Variants in RAET1E observed in about 807,000 individuals in gnomAD.
RAET1E encodes retinoic acid early transcript 1E.
RAET1E carries 27 observed loss-of-function variants against 21.1 expected under a neutral mutation model. The ratio of observed to expected loss-of-function variants is 1.28; its 90% CI spans 0.94 to 1.76. The LOEUF is 1.76. RAET1E is among the 40% of genes most tolerant of loss of function. The pLI is 0.00. For missense variants in RAET1E, 310 were observed against 311.3 expected, an observed-to-expected ratio of 1.00 and a Z score of 0.03; for synonymous variants, 113 against 115.0, an observed-to-expected ratio of 0.98 and a Z score of 0.11.
At chr6:149,888,956 C>G in intron 5 of RAET1E, 1 of 772,612 alleles carries the variant, frequency 1.3e-6, no homozygotes, top group Non-Finnish European at 1.9e-6. Flanking sequence ...GAGGATGACA[C>G]AATGGGTGGT....
At position 149,888,500 on chromosome 6, in the gene RAET1E, A is replaced by G. The variant is rs1262705792; in HGVS notation, c.790T>C (p.Ter264GlnextTer48). The change falls in exon 6 of 6, where the codon TAG (stop) becomes CAG (glutamine). Residue 264 changes from the stop codon to glutamine (Q), a stop_lost. Coordinates refer to ENST00000357183, the MANE Select transcript of RAET1E (RefSeq NM_001394057.1). ...QAGLWPLRTS[*>Q] The stretch of plus-strand genomic sequence containing the variant: ...ACCTCTCTTGAGTCCTTACCAGACT[A>G]AGACGTCCTCAAGGGCCAGAGACCA... 1 of 1,612,970 alleles carries G rather than the reference A, an allele frequency of 6.2e-7. No homozygotes were observed. The highest frequency in any genetic ancestry group is 1.3e-5 in the African/African-American group (1 of 74,728).
intron 5 of RAET1E, 32 bp downstream of exon 5, chr6:149,889,316 A>G (rs759751702): frequency 1.2e-6 from 2 of 1,611,384 alleles, no homozygotes; most frequent in East Asian, 2.2e-5. Context: ...CTTTAAAGGG[A>G]GCTGCCACAT....
In RAET1E at chr6:149,888,099, T is replaced by C. The variant is rs1777687107; in HGVS notation, c.*399A>G. The C allele has an allele frequency of 2.1e-6, 1 of 466,346 alleles. No homozygotes were observed. Among genetic ancestry groups the C allele is most frequent in the African/African-American group, 2.0e-5 (1 of 50,504 alleles). The allele number at this position is 466,346 out of a possible 1,614,324, so 28.9% of individuals were successfully genotyped here. ...TAGAGGGTGGTGAAAGGATTTCTTA[T>C]ACCACATCTTGTATGTTATCTGGGA... On this transcript the variant is annotated 3_prime_UTR_variant, in exon 6 of 6. Coordinates refer to ENST00000357183, the MANE Select transcript of RAET1E (RefSeq NM_001394057.1).
intron 2 of RAET1E, among the ~76,000 whole-genome samples, chr6:149,893,480 A>C (rs1562468663): frequency 6.7e-6 from 1 of 149,462 alleles, no homozygotes; most frequent in Non-Finnish European, 1.5e-5. Flanking sequence ...ATGGGACTTC[A>C]CTCATGATTT....
chr6:149,884,850 C>T lies in RAET1E; in HGVS notation c.*3648G>A, dbSNP rs1037417527. 8.5e-5 allele frequency among the ~76,000 whole-genome samples: 13 copies of T among 152,166 alleles called. No individual in the cohort carries two copies. Among genetic ancestry groups the T allele is most frequent in the South Asian group, 2.1e-4 (1 of 4,832 alleles). ...AGAGCACTGAGGGTGGGGCTTGGCA[C>T]GACGCCATTTGCCAGGATTCCTGTG... On this transcript the variant is annotated 3_prime_UTR_variant, in exon 6 of 6. Transcript: ENST00000357183.
chr6:149,889,081 T>TA (rs2115500127), intron 5 of RAET1E: 1 of 1,399,800 alleles, frequency 7.1e-7, no homozygotes, highest in South Asian at 1.7e-5. Context: ...ATGACACAGA[T>TA]AGACTTGGGA....
At chr6:149,890,794 G>A in intron 3 of RAET1E, 23 bp downstream of exon 3, 1 of 1,561,706 alleles carries the variant, frequency 6.4e-7, no homozygotes, top group Non-Finnish European at 8.8e-7. Flanking sequence ...TCCTCAGCCA[G>A]TTCTTGTGCT....
At position 149,884,636 on chromosome 6, in the gene RAET1E, CCTCT is replaced by C; in HGVS notation, c.*3858_*3861del. 1.3e-6 allele frequency: 1 copy of C among 754,014 alleles called. No individual in the cohort carries two copies. Among genetic ancestry groups the C allele is most frequent in the Non-Finnish European group, 2.2e-6 (1 of 447,810 alleles). The allele number at this position is 754,014 out of a possible 1,614,324, so 46.7% of individuals were successfully genotyped here. A position where few individuals can be genotyped will look rare whatever the true frequency, so the allele number is the denominator to read the frequency against. ...ATCAGCCGCTATTGTTCACATTCTG[CCTCT>C]CTGTCATCTAGTTTATGATTGTTCA... On this transcript the variant is annotated 3_prime_UTR_variant, in exon 6 of 6. Coordinates refer to ENST00000357183, the MANE Select transcript of RAET1E (RefSeq NM_001394057.1).
rs937906451 is a variant in RAET1E at position 149,883,349 on chromosome 6, T to TAC, written c.*5147_*5148dup. On this transcript the variant is annotated 3_prime_UTR_variant, in exon 6 of 6. Coordinates refer to ENST00000357183, the MANE Select transcript of RAET1E (RefSeq NM_001394057.1). ...TATTTTAAAGTAAAATTAAAAAAAG[T>TAC]ACACACACAATTTTTTTTTTTTTTT... The TAC allele has an allele frequency of 2.0e-5, 3 of 151,600 alleles. No homozygotes were observed. The highest frequency in any genetic ancestry group is 6.6e-5 in the Admixed American group (1 of 15,220). The allele number at this position is 151,600 out of a possible 1,614,324, so 9.4% of individuals were successfully genotyped here.
intron 1 of RAET1E, among the ~76,000 whole-genome samples, chr6:149,896,815 C>G (rs1336657227): frequency 6.6e-6 from 1 of 152,076 alleles, no homozygotes; most frequent in Non-Finnish European, 1.5e-5. Context: ...GGATGCCAAC[C>G]TAACACTGAA....
rs1554262859 is a variant in RAET1E, at chr6:149,886,389, G to GATTC, written c.*2108_*2109insGAAT. Among the ~76,000 whole-genome samples, 1 of 152,010 alleles carries GATTC rather than the reference G, an allele frequency of 6.6e-6. No individual in the cohort carries two copies. The highest frequency in any genetic ancestry group is 2.4e-5 in the African/African-American group (1 of 41,384). ...GATTTTAACCCTTTACATATGTTGA[G>GATTC]ATTTATTTATTTATTTATTTATTGA... On this transcript the variant is annotated 3_prime_UTR_variant, in exon 6 of 6. Transcript: ENST00000357183.
Position 149,889,989 on chromosome 6 carries a change from A to C in RAET1E, c.242T>G (p.Val81Gly), listed in dbSNP as rs1173749580. Residue 81 changes from valine (V) to glycine (G), a missense_variant, in exon 4 of 6, where the codon GTA becomes GGA. Coordinates refer to ENST00000357183, the MANE Select transcript of RAET1E (RefSeq NM_001394057.1). Reference protein sequence around the residue: ...VKPLGLLGKKVYATSTWGELT... With the variant: ...VKPLGLLGKKGYATSTWGELT... ...TTCTCCCCAAGTGCTGGTGGCATAT[A>C]CCTTCTTCCCCAGGAGGCCCAGAGG... The C allele has an allele frequency of 1.9e-6, 3 of 1,613,998 alleles. No individual in the cohort carries two copies. Among genetic ancestry groups the C allele is most frequent in the Non-Finnish European group, 2.5e-6 (3 of 1,180,010 alleles).
Position 149,887,070 on chromosome 6 carries a change from C to T in RAET1E, c.*1428G>A, listed in dbSNP as rs562112537. Among the ~76,000 whole-genome samples the T allele has an allele frequency of 2.6e-5, 4 of 152,302 alleles. No homozygotes were observed. In the South Asian group the frequency reaches 6.2e-4, roughly 24 times the overall value. ...AGCTGTGGGCACTGACCTCCACCGGCGCTTGATCCCTGCCTGCTCCTGCCC... is the reference window on the plus strand; with the variant it reads ...AGCTGTGGGCACTGACCTCCACCGGTGCTTGATCCCTGCCTGCTCCTGCCC... On this transcript the variant is annotated 3_prime_UTR_variant, in exon 6 of 6. Coordinates refer to ENST00000357183, the MANE Select transcript of RAET1E (RefSeq NM_001394057.1).
At position 149,886,246 on chromosome 6, in the gene RAET1E, T is replaced by A. The variant is rs2115485637; in HGVS notation, c.*2252A>T. Reference sequence around the variant, plus strand: ...GTTTTCCTTGTACTTTTTAATTTGATATATAGTTATTTGGAAGCATATTAT... The same window carrying A: ...GTTTTCCTTGTACTTTTTAATTTGAAATATAGTTATTTGGAAGCATATTAT... On this transcript the variant is annotated 3_prime_UTR_variant, in exon 6 of 6. Coordinates refer to ENST00000357183, the MANE Select transcript of RAET1E (RefSeq NM_001394057.1). Among the ~76,000 whole-genome samples, 1 of 152,364 alleles carries A rather than the reference T, an allele frequency of 6.6e-6. No homozygotes were observed. Among genetic ancestry groups the A allele is most frequent in the East Asian group, 1.9e-4 (1 of 5,196 alleles).
intron 1 of RAET1E, among the ~76,000 whole-genome samples, chr6:149,897,472 T>C (rs1355623341): frequency 1.3e-5 from 2 of 152,210 alleles, no homozygotes; most frequent in East Asian, 3.8e-4. Context: ...TTAAAATGAA[T>C]TGGACTGCAG....
rs1777562407 is a variant in RAET1E at position 149,885,338 on chromosome 6, T to G, written c.*3160A>C. Among the ~76,000 whole-genome samples, 1 of 152,212 alleles carries G rather than the reference T, an allele frequency of 6.6e-6. No homozygotes were observed. The highest frequency in any genetic ancestry group is 1.5e-5 in the Non-Finnish European group (1 of 68,030). On this transcript the variant is annotated 3_prime_UTR_variant, in exon 6 of 6. Coordinates refer to ENST00000357183, the MANE Select transcript of RAET1E (RefSeq NM_001394057.1). Reference sequence around the variant, plus strand: ...AAGCAGAGACAGTCCCCGAGACTCATTCAGCCTTTGCCTTTCTCCTGTTGG... The same window carrying G: ...AAGCAGAGACAGTCCCCGAGACTCAGTCAGCCTTTGCCTTTCTCCTGTTGG...
chr6:149,889,210 C>A, intron 5 of RAET1E, 138 bp downstream of exon 5: 1 of 1,456,668 alleles, frequency 6.9e-7, no homozygotes, highest in Non-Finnish European at 9.0e-7. Context: ...ATCCTTATAG[C>A]CATCACTGAC....
rs746556139 is a variant in RAET1E, at chr6:149,890,138, G to T, written c.93C>A (p.His31Gln). The T allele has an allele frequency of 6.2e-7, 1 of 1,614,066 alleles. No homozygotes were observed. The highest frequency in any genetic ancestry group is 2.2e-5 in the East Asian group (1 of 44,882). Residue 31 changes from histidine (H) to glutamine (Q), a missense_variant, in exon 4 of 6, where the codon CAC becomes CAA. His to Gln is a conservative substitution (Grantham distance 24, BLOSUM62 0). Coordinates refer to ENST00000357183, the MANE Select transcript of RAET1E (RefSeq NM_001394057.1). ...LIALEIMVGG[H>Q]SLCFNFTIKS... The stretch of plus-strand genomic sequence containing the variant: ...TTATAGTGAAGTTGAAGCAAAGAGA[G>T]TGACCACCTGTGAGACAAAGATGCA...
At chr6:149,889,729 C>G (rs1777791832) in intron 4 of RAET1E, 106 bp from the exon 5 acceptor site, 1 of 1,498,052 alleles carries the variant, frequency 6.7e-7, no homozygotes, top group African/African-American at 1.4e-5. Flanking sequence ...ATTCTTTCTG[C>G]CCAGACTTGC....
Sources: allele counts gnomAD v4.1 joint callset (sites outside exome capture counted in the v4.1 genomes callset), GRCh38; gene constraint gnomAD v4.1.1; transcripts MANE v1.5; gene names NCBI Gene and HGNC (gene_info 2026-07-23, HGNC 2026-07-21).